ZMAT4: variants seen among roughly 807,000 people sequenced by gnomAD.
ZMAT4 encodes the protein zinc finger matrin-type protein 4.
Under a neutral mutation model 28.7 loss-of-function variants are expected in ZMAT4, and 17 were observed. That is an observed-to-expected ratio of 0.59 (90% CI 0.41 to 0.89). ZMAT4 has a LOEUF of 0.89. Among genes scored for constraint, ZMAT4 ranks in the 40% least tolerant of loss-of-function variants. The pLI is 0.00. For synonymous variants in ZMAT4, 117 were observed against 109.2 expected, an observed-to-expected ratio of 1.07 and a Z score of -0.44; for missense variants, 240 against 283.8, an observed-to-expected ratio of 0.85 and a Z score of 1.11.
At chr8:40,872,616 G>A (rs573321057) in intron 1 of ZMAT4, among the ~76,000 whole-genome samples, 1 of 152,308 alleles carries the variant, frequency 6.6e-6, no homozygotes. Flanking sequence ...GATCAAAGGT[G>A]CTGGTGACAG....
intron 1 of ZMAT4, among the ~76,000 whole-genome samples, chr8:40,892,711 G>A (rs1028629016): frequency 2.0e-5 from 3 of 152,158 alleles, no homozygotes; most frequent in African/African-American, 7.2e-5. Context: ...TTACCTCTCT[G>A]GGCATCATCT....
At position 40,598,882 on chromosome 8, in the gene ZMAT4, A is replaced by T. The variant is rs540912344; in HGVS notation, c.578-17621T>A. Among the ~76,000 whole-genome samples, 7 of 152,354 alleles carry T rather than the reference A, an allele frequency of 4.6e-5. No homozygotes were observed. In the East Asian group the frequency reaches 1.4e-3, roughly 29 times the overall value. On this transcript the variant is annotated intron_variant, in intron 5 of 6. Coordinates refer to ENST00000297737, the MANE Select transcript of ZMAT4 (RefSeq NM_024645.3). ...GGATTGTTACGGGGTTTTCCTGATC[A>T]GCCAGTACGAATGTCTGCTATTTAA...
intron 6 of ZMAT4, among the ~76,000 whole-genome samples, chr8:40,536,498 G>A (rs1314210539): frequency 6.6e-6 from 1 of 152,138 alleles, no homozygotes; most frequent in Admixed American, 6.5e-5. Flanking sequence ...AATGTCACTG[G>A]CATCTTCTTC....
At chr8:40,544,612 TA>T (rs1263836842) in intron 6 of ZMAT4, among the ~76,000 whole-genome samples, 1 of 152,158 alleles carries the variant, frequency 6.6e-6, no homozygotes, top group Admixed American at 6.5e-5. Flanking sequence ...TCTAGTACAG[TA>T]AACTCAAATA....
Position 40,637,796 on chromosome 8 carries a change from T to C in ZMAT4, c.577+36908A>G, listed in dbSNP as rs540413238. ...ATCCCTAGGAGGCTAGTGAGTACAATAGTATATAGCACGTGCTATATTTTA... is the reference window on the plus strand; with the variant it reads ...ATCCCTAGGAGGCTAGTGAGTACAACAGTATATAGCACGTGCTATATTTTA... On this transcript the variant is annotated intron_variant, in intron 5 of 6. Coordinates refer to ENST00000297737, the MANE Select transcript of ZMAT4 (RefSeq NM_024645.3). Among the ~76,000 whole-genome samples, 10 of 152,300 alleles carry C rather than the reference T, an allele frequency of 6.6e-5. No homozygotes were observed. The East Asian group carries it at 1.9e-3, about 29-fold the overall frequency.
Position 40,864,321 on chromosome 8 carries a change from T to G in ZMAT4, c.-5+33362A>C, listed in dbSNP as rs77963373. Among the ~76,000 whole-genome samples, 316 of 152,344 alleles carry G rather than the reference T, an allele frequency of 2.1e-3. 1 individual carries two copies. The highest frequency in any genetic ancestry group is 7.2e-3 in the African/African-American group (301 of 41,582). On this transcript the variant is annotated intron_variant, in intron 1 of 6. Transcript: ENST00000297737. Reference sequence around the variant, plus strand: ...GGATGTACACCCTCAGATCTGATATTAATATGTCACTAGAACTTTGCATAA... The same window carrying G: ...GGATGTACACCCTCAGATCTGATATGAATATGTCACTAGAACTTTGCATAA...
chr8:40,826,342 A>G (rs2150613341), intron 1 of ZMAT4, among the ~76,000 whole-genome samples: 1 of 152,332 alleles, frequency 6.6e-6, no homozygotes, highest in East Asian at 1.9e-4. Context: ...TACATATAGC[A>G]TTATACAAAA....
chr8:40,887,614 A>C (rs1158429278), intron 1 of ZMAT4, among the ~76,000 whole-genome samples: 1 of 152,180 alleles, frequency 6.6e-6, no homozygotes, highest in Admixed American at 6.5e-5. Flanking sequence ...CATGGTAAGA[A>C]CTGGCAGGCG....
chr8:40,550,203 G>T (rs1261628742), intron 6 of ZMAT4, among the ~76,000 whole-genome samples: 2 of 151,990 alleles, frequency 1.3e-5, no homozygotes, highest in African/African-American at 4.8e-5. Context: ...GGAAACCAGA[G>T]GGCTCCTCTG....
At chr8:40,636,192 G>A (rs1451683) in intron 5 of ZMAT4, among the ~76,000 whole-genome samples, 9,743 of 152,276 alleles carry the variant, frequency 0.064, 514 homozygotes, top group Admixed American at 0.17. Flanking sequence ...GTGAGATTGC[G>A]TAAGCACACA....
At chr8:40,751,960 G>T (rs146406402) in intron 3 of ZMAT4, among the ~76,000 whole-genome samples, 5 of 152,080 alleles carry the variant, frequency 3.3e-5, no homozygotes, top group African/African-American at 1.2e-4. Context: ...AAAGTCTAAC[G>T]CTGTGATCTC....
intron 3 of ZMAT4, among the ~76,000 whole-genome samples, chr8:40,708,812 C>G (rs912814217): frequency 6.6e-6 from 1 of 151,626 alleles, no homozygotes; most frequent in Non-Finnish European, 1.5e-5. Context: ...ACCGCGACAG[C>G]TAATTTTTGT....
intron 1 of ZMAT4, among the ~76,000 whole-genome samples, chr8:40,870,169 A>G (rs1183736171): frequency 6.6e-6 from 1 of 152,186 alleles, no homozygotes; most frequent in Admixed American, 6.5e-5. Context: ...GCTGCTCCAG[A>G]CAACTTTTAT....
chr8:40,667,027 C>A (rs1479031744), intron 5 of ZMAT4, among the ~76,000 whole-genome samples: 3 of 151,956 alleles, frequency 2.0e-5, no homozygotes, highest in South Asian at 4.1e-4. Context: ...ACACAGACTG[C>A]ACGCATGGCG....
intron 1 of ZMAT4, among the ~76,000 whole-genome samples, chr8:40,888,342 G>A (rs1210575186): frequency 2.6e-5 from 4 of 152,056 alleles, no homozygotes; most frequent in South Asian, 2.1e-4. Context: ...TCCAAGTATC[G>A]ATTTCCCCCT....
At chr8:40,752,749 C>G (rs1314973067) in intron 3 of ZMAT4, among the ~76,000 whole-genome samples, 4 of 152,178 alleles carry the variant, frequency 2.6e-5, no homozygotes, top group African/African-American at 9.7e-5. Context: ...CACACTGATT[C>G]AGTGGACTCT....
chr8:40,743,949 G>A (rs1412250606), intron 3 of ZMAT4, among the ~76,000 whole-genome samples: 1 of 152,170 alleles, frequency 6.6e-6, no homozygotes, highest in Non-Finnish European at 1.5e-5. Context: ...AGGAAGAGGA[G>A]AGCATATGTC....
At chr8:40,820,808 T>C (rs1211199725) in intron 2 of ZMAT4, among the ~76,000 whole-genome samples, 1 of 594 alleles carries the variant, frequency 1.7e-3, no homozygotes, top group African/African-American at 3.9e-3. Flanking sequence ...TATATATGTG[T>C]GGGTGTGTGT....
intron 5 of ZMAT4, among the ~76,000 whole-genome samples, chr8:40,653,119 A>G (rs938887143): frequency 2.6e-5 from 4 of 152,074 alleles, no homozygotes; most frequent in African/African-American, 9.7e-5. Flanking sequence ...AAATCCAAAA[A>G]TAAGTAGAAA....
Sources: gnomAD v4.1 joint callset for allele counts (sites outside exome capture counted in the v4.1 genomes callset) on GRCh38, gnomAD v4.1.1 for gene constraint, MANE v1.5 for transcripts, NCBI Gene and HGNC (gene_info 2026-07-23, HGNC 2026-07-21) for gene names.